SPAG16: variants seen among roughly 807,000 people sequenced by gnomAD.
The protein encoded by SPAG16 is sperm associated antigen 16.
SPAG16 carries 86 observed loss-of-function variants against 80.4 expected under a neutral mutation model. The observed-to-expected ratio is 1.07, with a 90% CI of 0.90 to 1.28. The LOEUF (loss-of-function observed/expected upper bound fraction) is 1.28, where lower values mean the gene tolerates loss of function less well. Among genes scored for constraint, SPAG16 ranks in the 50% most tolerant of loss-of-function variants. The pLI is 0.00. For synonymous variants in SPAG16, 294 were observed against 265.9 expected (o/e 1.11, Z -1.03); for missense variants, 870 against 765.3 (o/e 1.14, Z -1.61).
chr2:213,896,199 C>G (rs556487893), intron 11 of SPAG16, among the ~76,000 whole-genome samples: 1 of 151,886 alleles, frequency 6.6e-6, no homozygotes, highest in African/African-American at 2.4e-5. Context: ...GAAAAAAATA[C>G]TCATCACTAA....
At chr2:213,845,235 T>C (rs886070505) in intron 10 of SPAG16, among the ~76,000 whole-genome samples, 2 of 151,116 alleles carry the variant, frequency 1.3e-5, no homozygotes, top group African/African-American at 4.9e-5. Flanking sequence ...TCTCGCTCTG[T>C]TGCCCAGGCT....
chr2:213,806,863 A>T (rs538809992), intron 10 of SPAG16, among the ~76,000 whole-genome samples: 34 of 152,294 alleles, frequency 2.2e-4, no homozygotes, highest in Admixed American at 1.6e-3. Flanking sequence ...TCTCTAGACA[A>T]TTTTAAAACA....
rs113314069 is a variant in SPAG16, at chr2:213,901,249, T to C, written c.1215-28711T>C. 2.6e-5 allele frequency among the ~76,000 whole-genome samples: 4 copies of C among 152,300 alleles called. 1 individual carries two copies. Among genetic ancestry groups the C allele is most frequent in the African/African-American group, 9.6e-5 (4 of 41,578 alleles). On this transcript the variant is annotated intron_variant, in intron 11 of 15. Coordinates refer to ENST00000331683, the MANE Select transcript of SPAG16 (RefSeq NM_024532.5). ...AGGAGGGCTTCAGTTTGGGCCTAAG[T>C]ATCGTAGCAGCCTACAAAAAGAAGG...
At chr2:213,705,548 A>G (rs1057157953) in intron 10 of SPAG16, among the ~76,000 whole-genome samples, 5 of 152,160 alleles carry the variant, frequency 3.3e-5, no homozygotes, top group African/African-American at 1.2e-4. Context: ...AAATATAGTG[A>G]AAAACTTTTG....
rs867382555 is a variant in SPAG16, at chr2:214,188,528, G to T, written c.1720+39262G>T. On this transcript the variant is annotated intron_variant, in intron 15 of 15. Transcript: ENST00000331683. ...AGGGACTTATTAAACTAAATATCTG[G>T]ATCTATTTCTCTGTATTTCAAAACC... Among the ~76,000 whole-genome samples the T allele has an allele frequency of 5.3e-5, 8 of 152,124 alleles. No individual in the cohort carries two copies. The South Asian group carries it at 1.7e-3, about 32-fold the overall frequency.
chr2:213,326,263 A>G (rs530815316), intron 5 of SPAG16, among the ~76,000 whole-genome samples: 20 of 152,146 alleles, frequency 1.3e-4, no homozygotes, highest in Non-Finnish European at 2.5e-4. Context: ...GGCAATTAAT[A>G]TTGAGGAAAA....
At chr2:213,854,260 A>G (rs1366464908) in intron 10 of SPAG16, among the ~76,000 whole-genome samples, 1 of 152,212 alleles carries the variant, frequency 6.6e-6, no homozygotes, top group Non-Finnish European at 1.5e-5. Context: ...TCTTTAAAAG[A>G]AAAAAGTATG....
chr2:214,402,234 T>G (rs1054407568), intron 15 of SPAG16, among the ~76,000 whole-genome samples: 5 of 152,036 alleles, frequency 3.3e-5, no homozygotes, highest in Non-Finnish European at 7.4e-5. Flanking sequence ...TTTGGCCAGT[T>G]AATACACCAC....
At chr2:214,206,322 C>T (rs2058144122) in intron 15 of SPAG16, among the ~76,000 whole-genome samples, 1 of 152,194 alleles carries the variant, frequency 6.6e-6, no homozygotes, top group Admixed American at 6.6e-5. Context: ...ATTCTCCCCT[C>T]TACCTTCATG....
intron 15 of SPAG16, among the ~76,000 whole-genome samples, chr2:214,317,232 T>C (rs1331568057): frequency 6.6e-6 from 1 of 152,210 alleles, no homozygotes; most frequent in Non-Finnish European, 1.5e-5. Flanking sequence ...ACAGAGACTT[T>C]GTGTCAACAT....
In SPAG16 at chr2:213,317,464, G is replaced by A. The variant is rs954708993; in HGVS notation, c.536+108G>A. 5.9e-6 allele frequency: 8 copies of A among 1,358,266 alleles called. No individual in the cohort carries two copies. In the African/African-American group the frequency reaches 1.2e-4, roughly 20 times the overall value. The allele number at this position is 1,358,266 out of a possible 1,614,324, so 84.1% of individuals were successfully genotyped here. A position where few individuals can be genotyped will look rare whatever the true frequency, so the allele number is the denominator to read the frequency against. ...ACCAGAGCCTTAATTTTTGAAAACT[G>A]AATTTTTCTAGTTGTAAAGAATGTG... On this transcript the variant is annotated intron_variant, in intron 5 of 15. Coordinates refer to ENST00000331683, the MANE Select transcript of SPAG16 (RefSeq NM_024532.5).
intron 15 of SPAG16, among the ~76,000 whole-genome samples, chr2:214,269,599 C>T (rs1187746343): frequency 6.6e-6 from 1 of 152,098 alleles, no homozygotes; most frequent in African/African-American, 2.4e-5. Context: ...TTTCAATCCA[C>T]TCTATGCCAA....
At chr2:213,323,433 T>G (rs1006368489) in intron 5 of SPAG16, among the ~76,000 whole-genome samples, 5 of 66,668 alleles carry the variant, frequency 7.5e-5, no homozygotes, top group Non-Finnish European at 2.0e-4. Flanking sequence ...AGAGCAAGAC[T>G]CCGTCTCAAA....
chr2:213,938,437 TTGA>T (rs1431528932), intron 12 of SPAG16, among the ~76,000 whole-genome samples: 2 of 151,964 alleles, frequency 1.3e-5, no homozygotes, highest in Admixed American at 1.3e-4. Flanking sequence ...CTTATTTGTA[TTGA>T]TGAAGTGAGT....
chr2:213,456,494 CT>C (rs1211726351), intron 9 of SPAG16, among the ~76,000 whole-genome samples: 1 of 152,174 alleles, frequency 6.6e-6, no homozygotes, highest in Admixed American at 6.5e-5. Flanking sequence ...TTATCATTCC[CT>C]TGGTTGTTTC....
chr2:213,676,147 A>T (rs1360541279), intron 10 of SPAG16, among the ~76,000 whole-genome samples: 1 of 151,408 alleles, frequency 6.6e-6, no homozygotes, highest in Non-Finnish European at 1.5e-5. Context: ...TCTTTGAAGC[A>T]ATTGTGAATG....
At chr2:213,790,245 G>A (rs1005094674) in intron 10 of SPAG16, among the ~76,000 whole-genome samples, 14 of 151,726 alleles carry the variant, frequency 9.2e-5, no homozygotes. Flanking sequence ...GACTCTCCAC[G>A]ATAGTTTCCA....
Position 213,984,183 on chromosome 2 carries a change from C to G in SPAG16, c.1401-29768C>G, listed in dbSNP as rs369442801. Reference sequence around the variant, plus strand: ...CAATTTCACGAATATTATCAACCAACTAAAAAGTCTAATTGCTGATTAGAG... The same window carrying G: ...CAATTTCACGAATATTATCAACCAAGTAAAAAGTCTAATTGCTGATTAGAG... On this transcript the variant is annotated intron_variant, in intron 12 of 15. Coordinates refer to ENST00000331683, the MANE Select transcript of SPAG16 (RefSeq NM_024532.5). Among the ~76,000 whole-genome samples the G allele has an allele frequency of 2.6e-5, 4 of 152,030 alleles. No individual in the cohort carries two copies. In the East Asian group the frequency reaches 5.8e-4, roughly 22 times the overall value.
At chr2:213,639,217 G>A (rs1414262574) in intron 10 of SPAG16, among the ~76,000 whole-genome samples, 1 of 152,152 alleles carries the variant, frequency 6.6e-6, no homozygotes, top group Non-Finnish European at 1.5e-5. Flanking sequence ...CTTTTAAGTG[G>A]AGCATTTAGA....
Sources: gnomAD v4.1 joint callset for allele counts (sites outside exome capture counted in the v4.1 genomes callset) on GRCh38, gnomAD v4.1.1 for gene constraint, MANE v1.5 for transcripts, NCBI Gene and HGNC (gene_info 2026-07-23, HGNC 2026-07-21) for gene names.